The following SCFD2 variants were observed in gnomAD, a reference collection of about 807,000 sequenced individuals.
The protein encoded by SCFD2 is sec1 family domain containing 2, also known as sec1 family domain-containing protein 2.
Under a neutral mutation model 58.9 loss-of-function variants are expected in SCFD2, and 54 were observed. The observed-to-expected ratio is 0.92, with a 90% CI of 0.74 to 1.15. SCFD2 has a LOEUF of 1.15. SCFD2 is among the 50% of genes most tolerant of loss of function. The pLI, the probability that SCFD2 is intolerant of heterozygous loss-of-function variation, is 0.00. For missense variants in SCFD2, 805 were observed against 836.6 expected, an observed-to-expected ratio of 0.96 and a Z score of 0.47; for synonymous variants, 321 against 335.9, an observed-to-expected ratio of 0.96 and a Z score of 0.49.
At chr4:53,159,576 C>A (rs552384961) in intron 4 of SCFD2, among the ~76,000 whole-genome samples, 5 of 152,310 alleles carry the variant, frequency 3.3e-5, no homozygotes, top group African/African-American at 1.2e-4. Flanking sequence ...AAACTTTAGA[C>A]ATCAGAGGTA....
intron 5 of SCFD2, among the ~76,000 whole-genome samples, chr4:53,005,145 G>A (rs1387231075): frequency 2.0e-5 from 3 of 152,102 alleles, no homozygotes; most frequent in Admixed American, 6.5e-5. Context: ...TGATCCACTC[G>A]TCTTTGGCCC....
intron 7 of SCFD2, among the ~76,000 whole-genome samples, chr4:52,906,363 G>T (rs545508951): frequency 1.3e-5 from 2 of 152,190 alleles, no homozygotes; most frequent in African/African-American, 2.4e-5. Flanking sequence ...AGTGGAAAAG[G>T]TTGGAAACCG....
intron 4 of SCFD2, among the ~76,000 whole-genome samples, chr4:53,244,375 A>G (rs576140158): frequency 6.6e-5 from 10 of 152,224 alleles, no homozygotes; most frequent in African/African-American, 2.4e-4. Context: ...CAAAAGAACT[A>G]AAATCATACC....
intron 7 of SCFD2, among the ~76,000 whole-genome samples, chr4:52,895,494 C>T (rs1718984486): frequency 1.3e-5 from 2 of 152,158 alleles, no homozygotes; most frequent in South Asian, 4.1e-4. Context: ...CTACAAAGGA[C>T]ATGAACTCAT....
intron 7 of SCFD2, among the ~76,000 whole-genome samples, chr4:52,904,517 G>A (rs553008146): frequency 1.3e-5 from 2 of 152,280 alleles, no homozygotes; most frequent in South Asian, 4.1e-4. Context: ...CCTGGGGAGC[G>A]CTGCCAATGA....
At chr4:53,339,066 G>A (rs1323390850) in intron 2 of SCFD2, among the ~76,000 whole-genome samples, 1 of 151,784 alleles carries the variant, frequency 6.6e-6, no homozygotes, top group Non-Finnish European at 1.5e-5. Flanking sequence ...TTAAATATGA[G>A]GAAAAAAGAA....
At chr4:53,250,370 C>T (rs966405927) in intron 4 of SCFD2, among the ~76,000 whole-genome samples, 1 of 152,180 alleles carries the variant, frequency 6.6e-6, no homozygotes, top group African/African-American at 2.4e-5. Context: ...TAACACCCCA[C>T]TGTCAACATT....
intron 3 of SCFD2, among the ~76,000 whole-genome samples, chr4:53,302,724 A>C (rs527545279): frequency 6.6e-6 from 1 of 152,324 alleles, no homozygotes; most frequent in Admixed American, 6.5e-5. Flanking sequence ...CAGTCACCAA[A>C]ACAGCACGGT....
chr4:53,252,069 A>G (rs1354788925), intron 4 of SCFD2, among the ~76,000 whole-genome samples: 1 of 151,246 alleles, frequency 6.6e-6, no homozygotes, highest in East Asian at 1.9e-4. Flanking sequence ...CAAAAATCAC[A>G]AGCATTCTTA....
At chr4:52,884,522 C>A (rs962024113) in intron 8 of SCFD2, among the ~76,000 whole-genome samples, 1 of 152,168 alleles carries the variant, frequency 6.6e-6, no homozygotes, top group Non-Finnish European at 1.5e-5. Context: ...CCAGAGCATA[C>A]CCAGCTTGGC....
chr4:53,239,291 A>T (rs1049349672), intron 4 of SCFD2, among the ~76,000 whole-genome samples: 110 of 152,100 alleles, frequency 7.2e-4, no homozygotes, highest in Non-Finnish European at 1.4e-3. Context: ...GTGAGCCGAG[A>T]TGGCAGCAGT....
intron 5 of SCFD2, among the ~76,000 whole-genome samples, chr4:53,008,974 C>CTAAAGATTTTCTCCACATAGAAAAT (rs1722038558): frequency 1.3e-5 from 2 of 151,796 alleles, no homozygotes; most frequent in Non-Finnish European, 2.9e-5. Context: ...CAATCTAAAG[C>CTAAAGATTTTCTCCACATAGAAAAT]CTGATGTGGA....
chr4:52,994,613 A>T (rs1721698196), intron 5 of SCFD2, among the ~76,000 whole-genome samples: 1 of 152,190 alleles, frequency 6.6e-6, no homozygotes, highest in Non-Finnish European at 1.5e-5. Context: ...TGTGGGGATT[A>T]CACTTGAACT....
At chr4:52,935,269 T>A (rs1377616655) in intron 5 of SCFD2, among the ~76,000 whole-genome samples, 1 of 152,194 alleles carries the variant, frequency 6.6e-6, no homozygotes, top group Non-Finnish European at 1.5e-5. Context: ...TATGGGAGAT[T>A]TCTATTTTCC....
intron 5 of SCFD2, among the ~76,000 whole-genome samples, chr4:53,027,139 A>G (rs1327146289): frequency 6.6e-6 from 1 of 152,194 alleles, no homozygotes; most frequent in Admixed American, 6.5e-5. Context: ...GAAGGGTTCT[A>G]AACTCCAGAG....
rs538973941 is a variant in SCFD2 at position 52,928,160 on chromosome 4, C to T, written c.1562-7290G>A. 5.3e-5 allele frequency among the ~76,000 whole-genome samples: 8 copies of T among 152,010 alleles called. No individual in the cohort carries two copies. The South Asian group carries it at 1.7e-3, about 32-fold the overall frequency. On this transcript the variant is annotated intron_variant, in intron 5 of 8. Transcript: ENST00000401642. ...GACCAGCCTGGGCAACATAGCAAGACTCTGTCTCTACAAAAAAATTTAAAA... is the reference window on the plus strand; with the variant it reads ...GACCAGCCTGGGCAACATAGCAAGATTCTGTCTCTACAAAAAAATTTAAAA...
At chr4:53,103,440 G>A (rs1724887046) in intron 5 of SCFD2, among the ~76,000 whole-genome samples, 1 of 151,864 alleles carries the variant, frequency 6.6e-6, no homozygotes, top group South Asian at 2.1e-4. Context: ...ACCTGGTAAT[G>A]GATTACAGCT....
chr4:53,270,131 A>G (rs764385609), intron 4 of SCFD2, among the ~76,000 whole-genome samples: 14 of 152,214 alleles, frequency 9.2e-5, no homozygotes, highest in Admixed American at 4.6e-4. Flanking sequence ...GTGTGTGCAT[A>G]TGTTTACATG....
intron 5 of SCFD2, among the ~76,000 whole-genome samples, chr4:53,095,034 CA>C (rs1724578365): frequency 6.6e-6 from 1 of 152,110 alleles, no homozygotes; most frequent in South Asian, 2.1e-4. Context: ...CCTCCTAATT[CA>C]TTGGTTGCTG....
Sources: allele counts gnomAD v4.1 joint callset (sites outside exome capture counted in the v4.1 genomes callset), GRCh38; gene constraint gnomAD v4.1.1; transcripts MANE v1.5; gene names NCBI Gene and HGNC (gene_info 2026-07-23, HGNC 2026-07-21).